Variants in ERI3 observed in about 807,000 individuals in gnomAD.
The protein encoded by ERI3 is ERI1 exoribonuclease 3.
A neutral mutation model predicts 44.4 loss-of-function variants in ERI3; 18 were observed. The ratio of observed to expected loss-of-function variants is 0.41; its 90% CI spans 0.28 to 0.60. The LOEUF is 0.60. Among genes scored for constraint, ERI3 ranks in the 20% least tolerant of loss-of-function variants. The pLI is 0.36. For synonymous variants in ERI3, 183 were observed against 164.8 expected, an observed-to-expected ratio of 1.11 and a Z score of -0.84; for missense variants, 294 against 435.5, an observed-to-expected ratio of 0.68 and a Z score of 2.89.
intron 1 of ERI3, chr1:44,353,193 G>T: frequency 1.0e-6 from 1 of 985,286 alleles, no homozygotes; most frequent in Non-Finnish European, 1.2e-6. Context: ...CTATGAAGTG[G>T]TGCCTCTGGG....
rs189050035 is a variant in ERI3, at chr1:44,300,436, T to G, written c.758+7874A>C. On this transcript the variant is annotated intron_variant, in intron 6 of 8. Coordinates refer to ENST00000372257, the MANE Select transcript of ERI3 (RefSeq NM_024066.3). ...TCTGCCACGGAGGGGTTGTGCTTGT[T>G]GATCAGACAGCAGAGCTTCTCTCCC... 5.3e-5 allele frequency among the ~76,000 whole-genome samples: 8 copies of G among 152,280 alleles called. No individual in the cohort carries two copies. In the East Asian group the frequency reaches 1.5e-3, roughly 29 times the overall value.
At chr1:44,293,711 G>C (rs1388290608) in intron 6 of ERI3, among the ~76,000 whole-genome samples, 3 of 152,236 alleles carry the variant, frequency 2.0e-5, no homozygotes, top group African/African-American at 7.2e-5. Flanking sequence ...GTAAAGCCAG[G>C]AATCGAAACT....
intron 4 of ERI3, among the ~76,000 whole-genome samples, chr1:44,316,899 T>A (rs1646099193): frequency 6.6e-6 from 1 of 152,106 alleles, no homozygotes; most frequent in African/African-American, 2.4e-5. Flanking sequence ...CGGGAAGGAA[T>A]GAAACACATC....
intron 6 of ERI3, among the ~76,000 whole-genome samples, chr1:44,287,375 C>T (rs1445872086): frequency 2.6e-5 from 4 of 152,192 alleles, no homozygotes; most frequent in African/African-American, 9.7e-5. Flanking sequence ...CAAGGCAGTC[C>T]GGCCTTCCCT....
chr1:44,340,423 G>T (rs1224444501), intron 2 of ERI3, among the ~76,000 whole-genome samples: 1 of 152,030 alleles, frequency 6.6e-6, no homozygotes, highest in African/African-American at 2.4e-5. Context: ...TGTGCTTTCC[G>T]AAGCCTCATT....
intron 7 of ERI3, among the ~76,000 whole-genome samples, chr1:44,259,421 G>T (rs1276481715): frequency 6.6e-6 from 1 of 152,174 alleles, no homozygotes; most frequent in Non-Finnish European, 1.5e-5. Flanking sequence ...GGCTGATGAG[G>T]AAGGCAGGAG....
chr1:44,228,774 T>C lies in ERI3; in HGVS notation c.932-7134A>G, dbSNP rs1644107733. Among the ~76,000 whole-genome samples the C allele has an allele frequency of 1.3e-5, 2 of 152,180 alleles. No individual in the cohort carries two copies. Among genetic ancestry groups the C allele is most frequent in the African/African-American group, 2.4e-5 (1 of 41,452 alleles). On this transcript the variant is annotated intron_variant, in intron 8 of 8. Transcript: ENST00000372257. This position sits in a 1 kb window ranked among gnomAD's most constrained non-coding sequence, Gnocchi z 4.3. ...CCCAGAACTGCCTGACCAGTAAGCA[T>C]AGCATCAAACCCCTTATGTCGCTTG...
chr1:44,228,410 A>G lies in ERI3; in HGVS notation c.932-6770T>C, dbSNP rs1644097407. 6.6e-6 allele frequency among the ~76,000 whole-genome samples: 1 copy of G among 152,264 alleles called. No individual in the cohort carries two copies. Among genetic ancestry groups the G allele is most frequent in the Non-Finnish European group, 1.5e-5 (1 of 68,046 alleles). Reference sequence around the variant, plus strand: ...GCGTGTTTTACGTAATAATGAAATTACAGAAATGCAGTCCACTTATTCAAA... The same window carrying G: ...GCGTGTTTTACGTAATAATGAAATTGCAGAAATGCAGTCCACTTATTCAAA... On this transcript the variant is annotated intron_variant, in intron 8 of 8. Coordinates refer to ENST00000372257, the MANE Select transcript of ERI3 (RefSeq NM_024066.3). This position sits in a 1 kb window ranked among gnomAD's most constrained non-coding sequence, Gnocchi z 4.3.
intron 3 of ERI3, chr1:44,322,991 T>G (rs1353977615): frequency 7.7e-7 from 1 of 1,297,976 alleles, no homozygotes; most frequent in Non-Finnish European, 1.0e-6. Context: ...GTCCAGTTGC[T>G]CAGATAATGA....
At chr1:44,322,580 C>A in intron 3 of ERI3, 1 of 1,128,024 alleles carries the variant, frequency 8.9e-7, no homozygotes. Flanking sequence ...GGGGCCCTTC[C>A]TCCACAACAT....
intron 7 of ERI3, among the ~76,000 whole-genome samples, chr1:44,249,863 G>T (rs1424779162): frequency 6.6e-6 from 1 of 152,132 alleles, no homozygotes; most frequent in Admixed American, 6.5e-5. Flanking sequence ...ACTTACAAAG[G>T]CCGGATTAAA....
At chr1:44,328,254 T>C (rs549297398) in intron 3 of ERI3, among the ~76,000 whole-genome samples, 169 of 114,376 alleles carry the variant, frequency 1.5e-3, no homozygotes, top group African/African-American at 5.6e-3. Flanking sequence ...TGAACACATT[T>C]CTCACACACT....
intron 7 of ERI3, among the ~76,000 whole-genome samples, chr1:44,284,558 C>T (rs1237848524): frequency 6.6e-6 from 1 of 152,144 alleles, no homozygotes; most frequent in Non-Finnish European, 1.5e-5. Flanking sequence ...CAAGAGCCCC[C>T]CAAAATCTCC....
intron 4 of ERI3, among the ~76,000 whole-genome samples, chr1:44,319,190 T>G (rs1413295018): frequency 6.6e-6 from 1 of 152,180 alleles, no homozygotes; most frequent in African/African-American, 2.4e-5. Flanking sequence ...TTCGACAAAC[T>G]CAACCTACGC....
chr1:44,248,750 T>G (rs1173674048), intron 7 of ERI3, among the ~76,000 whole-genome samples: 1 of 151,520 alleles, frequency 6.6e-6, no homozygotes, highest in Non-Finnish European at 1.5e-5. Flanking sequence ...GATGCTCTGC[T>G]GAAGGTCAAG....
intron 8 of ERI3, among the ~76,000 whole-genome samples, chr1:44,226,732 T>C (rs1306376507): frequency 6.6e-6 from 1 of 151,676 alleles, no homozygotes; most frequent in African/African-American, 2.4e-5. Flanking sequence ...GGCATTTCTT[T>C]ATGGTTTCTA....
chr1:44,272,634 G>C (rs1645109039), intron 7 of ERI3, among the ~76,000 whole-genome samples: 1 of 151,996 alleles, frequency 6.6e-6, no homozygotes, highest in African/African-American at 2.4e-5. Flanking sequence ...TCGAGGCCAG[G>C]AGTTCGAGAC....
intron 6 of ERI3, among the ~76,000 whole-genome samples, chr1:44,289,062 T>G (rs549901299): frequency 1.3e-5 from 2 of 152,346 alleles, no homozygotes; most frequent in Admixed American, 6.5e-5. Flanking sequence ...ATGCTTATTA[T>G]TGTTGCCCAA....
intron 7 of ERI3, among the ~76,000 whole-genome samples, chr1:44,277,247 A>G (rs115050681): frequency 0.014 from 2,171 of 152,224 alleles, 48 homozygotes; most frequent in African/African-American, 0.049. Flanking sequence ...CCGCCTAAAG[A>G]GAGCCAATTT....
Sources: allele counts gnomAD v4.1 joint callset (sites outside exome capture counted in the v4.1 genomes callset), GRCh38; gene constraint gnomAD v4.1.1; non-coding constraint Gnocchi (gnomAD v3.1); transcripts MANE v1.5; gene names NCBI Gene and HGNC (gene_info 2026-07-23, HGNC 2026-07-21).